Variants in MTHFS observed in about 807,000 individuals in gnomAD.
The protein encoded by MTHFS is methenyltetrahydrofolate synthetase, also known as 5-formyltetrahydrofolate cyclo-ligase.
A neutral mutation model predicts 12.7 loss-of-function variants in MTHFS; 7 were observed. That is an observed-to-expected ratio of 0.55 (90% CI 0.31 to 1.03). The LOEUF is 1.03. MTHFS is among the 50% of genes least tolerant of loss of function. The probability of loss-of-function intolerance (pLI) is 0.05; values close to 1 mark genes in which losing one functional copy is unlikely to be tolerated. For missense variants in MTHFS, 252 were observed against 258.1 expected (o/e 0.98, Z 0.16); for synonymous variants, 100 against 97.1 (o/e 1.03, Z -0.18).
At chr15:79,864,651 T>C (rs1355845127) in intron 2 of MTHFS, among the ~76,000 whole-genome samples, 2 of 146,144 alleles carry the variant, frequency 1.4e-5, no homozygotes, top group African/African-American at 5.1e-5. Context: ...CTTACTTCAA[T>C]ATAGTGTAAG....
At chr15:79,871,322 G>A (rs189817095) in intron 2 of MTHFS, among the ~76,000 whole-genome samples, 146 of 152,012 alleles carry the variant, frequency 9.6e-4, no homozygotes, top group African/African-American at 3.5e-3. Flanking sequence ...CAAAGAAAAG[G>A]AAATGACAAA....
intron 2 of MTHFS, among the ~76,000 whole-genome samples, chr15:79,886,937 G>A (rs930038632): frequency 5.3e-5 from 8 of 152,118 alleles, no homozygotes; most frequent in African/African-American, 1.7e-4. Context: ...TGTGACAAAT[G>A]ACATGCTAAA....
At chr15:79,851,450 G>T (rs950624040) in intron 2 of MTHFS, among the ~76,000 whole-genome samples, 1 of 152,196 alleles carries the variant, frequency 6.6e-6, no homozygotes, top group African/African-American at 2.4e-5. Flanking sequence ...TATCCAAGGA[G>T]TGACTTGTTC....
intron 2 of MTHFS, among the ~76,000 whole-genome samples, chr15:79,848,606 G>T (rs16971430): frequency 0.025 from 3,759 of 152,280 alleles, 169 homozygotes; most frequent in African/African-American, 0.085. Context: ...AAAGGCAGAA[G>T]TTTGGAACAT....
At position 79,845,223 on chromosome 15, in the gene MTHFS, G is replaced by T; in HGVS notation, c.599C>A (p.Ser200Ter). The change falls in exon 3 of 3, where the codon TCG (serine) becomes TAG (stop). Residue 200 changes from serine to a stop codon, truncating the protein, a stop_gained. Coordinates refer to ENST00000258874, the MANE Select transcript of MTHFS (RefSeq NM_006441.4). LOFTEE classifies it high-confidence loss of function. Reference protein sequence around the residue: ...MKVDEVLYEDSSTA With the variant: ...MKVDEVLYED ...AGTAATCCAGATTTAAGCTGTTGAC[G>T]AGTCTTCGTAAAGGACTTCATCTAC... The T allele has an allele frequency of 6.2e-7, 1 of 1,614,126 alleles. No individual in the cohort carries two copies. The highest frequency in any genetic ancestry group is 8.5e-7 in the Non-Finnish European group (1 of 1,180,016).
At chr15:79,889,502 G>A in intron 1 of MTHFS, 148 bp from the exon 2 acceptor site, 2 of 1,255,000 alleles carry the variant, frequency 1.6e-6, no homozygotes, top group South Asian at 1.6e-5. Context: ...GATATAGTGG[G>A]TCAGACAGTG....
rs990912348 is a variant in MTHFS, at chr15:79,858,032, A to C, written c.380-12590T>G. ...CTCCATCTCAAAAAAAAAAAAAAAA[A>C]AAACATAATCCTCTCTAAAACCTTC... On this transcript the variant is annotated intron_variant, in intron 2 of 2. Transcript: ENST00000258874. 4.0e-5 allele frequency among the ~76,000 whole-genome samples: 6 copies of C among 151,766 alleles called. No individual in the cohort carries two copies. The South Asian group carries it at 1.0e-3, about 26-fold the overall frequency.
intron 2 of MTHFS, among the ~76,000 whole-genome samples, chr15:79,859,628 G>A (rs1489281111): frequency 1.3e-5 from 2 of 152,048 alleles, no homozygotes; most frequent in Non-Finnish European, 2.9e-5. Context: ...GACCAGCTTG[G>A]CCAACATGGT....
Position 79,896,898 on chromosome 15 carries a change from G to A in MTHFS, c.91C>T (p.Arg31Cys), listed in dbSNP as rs780491757. Residue 31 changes from arginine to cysteine, a missense_variant, in exon 1 of 3, where the codon CGC (arginine) becomes TGC (cysteine). Arg to Cys is a radical substitution (Grantham distance 180). Transcript: ENST00000258874. Reference protein sequence around the residue: ...LRAMSAEERLRQSRVLSQKVI... With the variant: ...LRAMSAEERLCQSRVLSQKVI... ...TTCTGGCTCAGTACGCGGGACTGGC[G>A]TAGCCGCTCCTCGGCACTCATCGCC... The A allele has an allele frequency of 6.5e-7, 1 of 1,542,872 alleles. No homozygotes were observed. Among genetic ancestry groups the A allele is most frequent in the Non-Finnish European group, 8.7e-7 (1 of 1,146,248 alleles).
intron 2 of MTHFS, among the ~76,000 whole-genome samples, chr15:79,861,506 C>A (rs540345702): frequency 6.6e-6 from 1 of 152,114 alleles, no homozygotes; most frequent in East Asian, 1.9e-4. Flanking sequence ...GTGATGAGTA[C>A]GTAAAGTGGC....
intron 2 of MTHFS, among the ~76,000 whole-genome samples, chr15:79,860,785 T>A (rs1428284701): frequency 1.3e-5 from 2 of 152,194 alleles, no homozygotes; most frequent in Non-Finnish European, 2.9e-5. Context: ...GAATTTCTTC[T>A]GAGAATAACT....
intron 1 of MTHFS, among the ~76,000 whole-genome samples, chr15:79,889,668 C>T (rs952156418): frequency 6.6e-6 from 1 of 152,146 alleles, no homozygotes; most frequent in Non-Finnish European, 1.5e-5. Flanking sequence ...TTGATCCCCA[C>T]CTATCCATTT....
At chr15:79,864,921 C>A (rs2033983330) in intron 2 of MTHFS, among the ~76,000 whole-genome samples, 1 of 151,782 alleles carries the variant, frequency 6.6e-6, no homozygotes, top group African/African-American at 2.4e-5. Flanking sequence ...CTGGCATTTG[C>A]AGTTTTTTAA....
intron 2 of MTHFS, among the ~76,000 whole-genome samples, chr15:79,864,247 T>G (rs2033966516): frequency 6.6e-6 from 1 of 152,088 alleles, no homozygotes; most frequent in Non-Finnish European, 1.5e-5. Flanking sequence ...ACTGTCTCTG[T>G]ACAAAAAGTC....
chr15:79,860,248 G>T (rs1239918627), intron 2 of MTHFS, among the ~76,000 whole-genome samples: 1 of 152,004 alleles, frequency 6.6e-6, no homozygotes, highest in African/African-American at 2.4e-5. Context: ...AATTAGCCGG[G>T]TGTGGTGTCG....
chr15:79,850,762 G>A (rs938219123), intron 2 of MTHFS, among the ~76,000 whole-genome samples: 1 of 152,138 alleles, frequency 6.6e-6, no homozygotes, highest in Non-Finnish European at 1.5e-5. Flanking sequence ...CAGATGCTGA[G>A]CTGCAGAATC....
chr15:79,850,560 T>A (rs1165988978), intron 2 of MTHFS, among the ~76,000 whole-genome samples: 1 of 152,142 alleles, frequency 6.6e-6, no homozygotes, highest in East Asian at 1.9e-4. Context: ...GAGGGCCAGA[T>A]TTGGCCTGTG....
intron 2 of MTHFS, among the ~76,000 whole-genome samples, chr15:79,874,693 T>C (rs1045349482): frequency 7.9e-5 from 12 of 152,146 alleles, no homozygotes; most frequent in African/African-American, 2.7e-4. Context: ...GAAGAAGATG[T>C]CCTGAGGAGC....
At position 79,896,760 on chromosome 15, in the gene MTHFS, G is replaced by C. The variant is rs8023452; in HGVS notation, c.117+112C>G. 1.3e-3 allele frequency: 1,954 copies of C among 1,457,960 alleles called. 26 individuals carry two copies. In the African/African-American group the frequency reaches 0.026, roughly 19 times the overall value. 90.3% of individuals were successfully genotyped at this position (1,457,960 alleles called of 1,614,324 possible). ...GGAAACGTGCGCGCGCCGGGGGGTG[G>C]GGGGGCGCCTAGCCCAGCGCCAGCA... On this transcript the variant is annotated intron_variant, in intron 1 of 2. Coordinates refer to ENST00000258874, the MANE Select transcript of MTHFS (RefSeq NM_006441.4).
Sources: gnomAD v4.1 joint callset for allele counts (sites outside exome capture counted in the v4.1 genomes callset) on GRCh38, gnomAD v4.1.1 for gene constraint, MANE v1.5 for transcripts, NCBI Gene and HGNC (gene_info 2026-07-23, HGNC 2026-07-21) for gene names.